NYAP2: variants seen among roughly 807,000 people sequenced by gnomAD.
NYAP2 encodes the protein neuronal tyrosine-phosphorylated phosphoinositide-3-kinase adapter 2.
NYAP2 carries 23 observed loss-of-function variants against 50.4 expected under a neutral mutation model. That is an observed-to-expected ratio of 0.46 (90% CI 0.33 to 0.65). The LOEUF (loss-of-function observed/expected upper bound fraction) is 0.65. Ranked by LOEUF, NYAP2 falls within the 30% of genes least tolerant of loss-of-function variation. NYAP2 has a pLI of 0.02. For synonymous variants in NYAP2, 394 were observed against 365.2 expected, an observed-to-expected ratio of 1.08 and a Z score of -0.90; for missense variants, 885 against 861.0, an observed-to-expected ratio of 1.03 and a Z score of -0.35.
In NYAP2 at chr2:225,581,561, G is replaced by T. The variant is rs61044804; in HGVS notation, c.524-380G>T. 5.1e-3 allele frequency among the ~76,000 whole-genome samples: 779 copies of T among 151,960 alleles called. 8 individuals are homozygous for T. Among genetic ancestry groups the T allele is most frequent in the African/African-American group, 0.018 (751 of 41,416 alleles). On this transcript the variant is annotated intron_variant, in intron 4 of 6. Transcript: ENST00000636099. The stretch of plus-strand genomic sequence containing the variant: ...CCAATAGTGCTAACAGAGACTTTAG[G>T]TTTTTTTTCCTCCTGCATTTCTTTC...
At chr2:225,456,138 A>T (rs963591570) in intron 3 of NYAP2, among the ~76,000 whole-genome samples, 3 of 152,192 alleles carry the variant, frequency 2.0e-5, no homozygotes, top group African/African-American at 7.2e-5. Context: ...ACATTTGCAT[A>T]TGAGTCCACT....
chr2:225,590,038 T>C (rs1692469953), intron 5 of NYAP2, among the ~76,000 whole-genome samples: 1 of 152,230 alleles, frequency 6.6e-6, no homozygotes, highest in Non-Finnish European at 1.5e-5. Flanking sequence ...GGAGTTGAGC[T>C]ATACCCAGAT....
At chr2:225,590,331 G>A (rs146336064) in intron 5 of NYAP2, among the ~76,000 whole-genome samples, 88 of 152,296 alleles carry the variant, frequency 5.8e-4, no homozygotes, top group African/African-American at 1.9e-3. Flanking sequence ...TTGGGGATGC[G>A]CTCAGCCTCC....
exon 2 of NYAP2, chr2:225,400,961 G>T (rs1403270806): frequency 6.6e-6 from 1 of 151,432 alleles, no homozygotes; most frequent in Non-Finnish European, 1.5e-5. Context: ...ACTGCCCTGA[G>T]ATCAACCGTG....
intron 5 of NYAP2, among the ~76,000 whole-genome samples, chr2:225,614,946 A>G (rs1430447766): frequency 2.0e-5 from 3 of 152,216 alleles, no homozygotes; most frequent in Admixed American, 2.0e-4. Flanking sequence ...GAATTCAGTG[A>G]AAGATGGGCT....
At chr2:225,669,957 G>A in the NYAP2 span, among the ~76,000 whole-genome samples, 1 of 152,190 alleles carries the variant, frequency 6.6e-6, no homozygotes, top group African/African-American at 2.4e-5. Context: ...AGTACACCCA[G>A]GTTGCAGCGA....
chr2:225,638,761 C>T (rs1052411775), intron 6 of NYAP2, among the ~76,000 whole-genome samples: 1 of 152,192 alleles, frequency 6.6e-6, no homozygotes, highest in African/African-American at 2.4e-5. Context: ...TAGCCCGTGC[C>T]AGGCCCTTGA....
At chr2:225,420,904 G>T (rs1289374250) in intron 3 of NYAP2, among the ~76,000 whole-genome samples, 1 of 151,904 alleles carries the variant, frequency 6.6e-6, no homozygotes, top group African/African-American at 2.4e-5. Context: ...TTTCTACAGG[G>T]ATTCTTATTT....
chr2:225,507,376 A>G (rs376436515), intron 3 of NYAP2, among the ~76,000 whole-genome samples: 1 of 152,214 alleles, frequency 6.6e-6, no homozygotes, highest in African/African-American at 2.4e-5. Context: ...AGTTCTCATA[A>G]GGAAACACAC....
chr2:225,646,580 T>C lies in NYAP2; in HGVS notation c.1829-4852T>C, dbSNP rs555575523. Among the ~76,000 whole-genome samples the C allele has an allele frequency of 3.9e-5, 6 of 152,228 alleles. No homozygotes were observed. In the South Asian group the frequency reaches 1.0e-3, roughly 26 times the overall value. On this transcript the variant is annotated intron_variant, in intron 6 of 6. Coordinates refer to ENST00000636099, the Ensembl canonical transcript of NYAP2. ...AAAAAGTTCCTGCCATGTGATACCA[T>C]TAAGCAGCAGTGTTATGGACTGTAT... is the stretch of plus-strand genomic sequence containing the variant.
At chr2:225,538,786 C>CTTTTCTTTTCTTTTCTTTTCT (rs1553547815) in intron 4 of NYAP2, among the ~76,000 whole-genome samples, 1 of 16,602 alleles carries the variant, frequency 6.0e-5, no homozygotes, top group East Asian at 1.4e-3. Context: ...TCTTTTCTTT[C>CTTTTCTTTTCTTTTCTTTTCT]TTTCTTTCTT....
chr2:225,451,385 G>A (rs1402168105), intron 3 of NYAP2, among the ~76,000 whole-genome samples: 1 of 152,014 alleles, frequency 6.6e-6, no homozygotes, highest in African/African-American at 2.4e-5. Context: ...CTGTAGGAAT[G>A]CAAATATACC....
rs142240902 is a variant in NYAP2 at position 225,594,618 on chromosome 2, T to C, written c.1618+11583T>C. ...ATAAATCCACAAAGCTATCATTATG[T>C]GACTCGCGGTCTTGAATATGTGTGT... On this transcript the variant is annotated intron_variant, in intron 5 of 6. Coordinates refer to ENST00000636099, the Ensembl canonical transcript of NYAP2. Among the ~76,000 whole-genome samples, 840 of 152,362 alleles carry C rather than the reference T, an allele frequency of 5.5e-3. 11 individuals carry two copies. Among genetic ancestry groups the C allele is most frequent in the African/African-American group, 0.018 (763 of 41,584 alleles).
chr2:225,612,855 C>CACACCCAGTG (rs1277985514), intron 5 of NYAP2, among the ~76,000 whole-genome samples: 2 of 149,958 alleles, frequency 1.3e-5, no homozygotes, highest in South Asian at 2.1e-4. Flanking sequence ...GACATCACAT[C>CACACCCAGTG]TGGGTCTAGA....
At chr2:225,446,254 A>AT (rs1417246068) in intron 3 of NYAP2, among the ~76,000 whole-genome samples, 12 of 89,922 alleles carry the variant, frequency 1.3e-4, no homozygotes, top group African/African-American at 4.5e-4. Flanking sequence ...CTCTATATAT[A>AT]TATATATATA....
At chr2:225,508,147 G>C (rs1480661454) in intron 3 of NYAP2, among the ~76,000 whole-genome samples, 1 of 152,180 alleles carries the variant, frequency 6.6e-6, no homozygotes, top group Non-Finnish European at 1.5e-5. Context: ...AAGCATACTT[G>C]TTTAAATTCA....
intron 3 of NYAP2, among the ~76,000 whole-genome samples, chr2:225,475,240 T>A (rs545398074): frequency 4.6e-5 from 7 of 151,962 alleles, no homozygotes; most frequent in East Asian, 1.9e-4. Flanking sequence ...CAGGTTTTTT[T>A]ATTTTTCTTC....
chr2:225,426,039 C>T (rs186110853), intron 3 of NYAP2, among the ~76,000 whole-genome samples: 19 of 151,774 alleles, frequency 1.3e-4, no homozygotes, highest in African/African-American at 3.1e-4. Context: ...AAAATAAAGA[C>T]GTAGTTTGAC....
At chr2:225,587,251 T>C (rs2106233185) in intron 5 of NYAP2, among the ~76,000 whole-genome samples, 1 of 152,234 alleles carries the variant, frequency 6.6e-6, no homozygotes, top group East Asian at 1.9e-4. Flanking sequence ...CAAATGTACA[T>C]TTCTATGAAA....
Sources: gnomAD v4.1 joint callset for allele counts (sites outside exome capture counted in the v4.1 genomes callset) on GRCh38, gnomAD v4.1.1 for gene constraint, MANE v1.5 for transcripts, NCBI Gene and HGNC (gene_info 2026-07-23, HGNC 2026-07-21) for gene names.